The following HMCN1 variants were observed in gnomAD, a reference collection of about 807,000 sequenced individuals.
HMCN1 encodes hemicentin-1.
Under a neutral mutation model 625.9 loss-of-function variants are expected in HMCN1, and 321 were observed. The observed-to-expected ratio is 0.51, with a 90% confidence interval of 0.47 to 0.56. HMCN1 has a LOEUF of 0.56. HMCN1 is among the 20% of genes least tolerant of loss of function. The pLI is 0.00. For synonymous variants in HMCN1, 2,425 were observed against 2,417.6 expected (o/e 1.00, Z -0.09); for missense variants, 6,588 against 6,887.3 (o/e 0.96, Z 1.54).
intron 50 of HMCN1, among the ~76,000 whole-genome samples, chr1:186,068,761 C>T (rs529142767): frequency 7.5e-4 from 112 of 149,254 alleles, no homozygotes; most frequent in African/African-American, 2.7e-3. Flanking sequence ...CCCAGCTACT[C>T]GGGAGGCTGA....
At chr1:186,007,790 G>A (rs58608875) in intron 30 of HMCN1, among the ~76,000 whole-genome samples, 4,185 of 152,092 alleles carry the variant, frequency 0.028, 188 homozygotes, top group African/African-American at 0.095. Flanking sequence ...CTTATTTTCC[G>A]TAACATTATC....
rs57317105 is a variant in HMCN1, at chr1:186,164,240, C to CTTTT, written c.15257-857_15257-854dup. 9.1e-5 allele frequency among the ~76,000 whole-genome samples: 12 copies of CTTTT among 131,554 alleles called. 1 individual carries two copies. Among genetic ancestry groups the CTTTT allele is most frequent in the African/African-American group, 2.5e-4 (8 of 32,634 alleles). 86.3% of individuals were successfully genotyped at this position (131,554 alleles called of 152,430 possible). On this transcript the variant is annotated intron_variant, in intron 97 of 106. Transcript: ENST00000271588. ...TTTGTTTCTGACATCTAACTTAAAT[C>CTTTT]TTTTTTTTTTTTTTTTTGAGACAGA...
chr1:185,771,944 T>C (rs2102148490), intron 1 of HMCN1, among the ~76,000 whole-genome samples: 1 of 152,272 alleles, frequency 6.6e-6, no homozygotes, highest in East Asian at 1.9e-4. Flanking sequence ...AATTTTCTCA[T>C]GGGGAGAATA....
At chr1:186,159,322 G>T (rs1442965912) in intron 97 of HMCN1, among the ~76,000 whole-genome samples, 2 of 152,322 alleles carry the variant, frequency 1.3e-5, no homozygotes, top group African/African-American at 4.8e-5. Flanking sequence ...ATTTTGGGCT[G>T]AGACAATGGG....
intron 30 of HMCN1, among the ~76,000 whole-genome samples, chr1:186,010,054 T>TCGTC (rs1653892526): frequency 6.6e-6 from 1 of 152,100 alleles, no homozygotes; most frequent in Admixed American, 6.6e-5. Flanking sequence ...TAATGCTTGC[T>TCGTC]CGTCCGTCAC....
At chr1:185,864,757 A>G (rs1189337966) in intron 3 of HMCN1, 129 bp downstream of exon 3, 1 of 806,140 alleles carries the variant, frequency 1.2e-6, no homozygotes, top group African/African-American at 1.7e-5. Flanking sequence ...TATGTTCTCC[A>G]ATATGTATAT....
intron 1 of HMCN1, among the ~76,000 whole-genome samples, chr1:185,814,746 C>T (rs1250476560): frequency 1.3e-5 from 2 of 148,862 alleles, no homozygotes; most frequent in African/African-American, 5.2e-5. Context: ...GGCTGGAGTG[C>T]AGTGGCTCGA....
intron 38 of HMCN1, among the ~76,000 whole-genome samples, chr1:186,039,374 G>A (rs1251678565): frequency 6.6e-6 from 1 of 151,952 alleles, no homozygotes; most frequent in African/African-American, 2.4e-5. Flanking sequence ...ATACTACAGT[G>A]GATGCAGTGA....
intron 1 of HMCN1, among the ~76,000 whole-genome samples, chr1:185,781,620 A>G (rs1571342548): frequency 6.6e-6 from 1 of 152,260 alleles, no homozygotes; most frequent in Non-Finnish European, 1.5e-5. Flanking sequence ...GTGGTCATTC[A>G]GGAACAGGTT....
intron 22 of HMCN1, among the ~76,000 whole-genome samples, chr1:185,992,846 A>G (rs1444369351): frequency 6.6e-6 from 1 of 152,154 alleles, no homozygotes; most frequent in East Asian, 1.9e-4. Context: ...CCTTTACTTT[A>G]ACATTGTAGA....
At position 186,056,064 on chromosome 1, in the gene HMCN1, C is replaced by A. The variant is rs545166314; in HGVS notation, c.7144+390C>A. On this transcript the variant is annotated intron_variant, in intron 45 of 106. Transcript: ENST00000271588. Reference sequence around the variant, plus strand: ...CACCATCAGTTGAGCATGAGTTATACTGAAGTCAGCTTTAATATTCTAATT... The same window carrying A: ...CACCATCAGTTGAGCATGAGTTATAATGAAGTCAGCTTTAATATTCTAATT... Among the ~76,000 whole-genome samples, 282 of 152,122 alleles carry A rather than the reference C, an allele frequency of 1.9e-3. 2 individuals are homozygous for A. Among genetic ancestry groups the A allele is most frequent in the African/African-American group, 6.5e-3 (271 of 41,532 alleles).
Position 185,734,944 on chromosome 1 carries a change from T to C in HMCN1, c.165T>C (p.Asp55=). 6.2e-7 allele frequency: 1 copy of C among 1,614,088 alleles called. No homozygotes were observed. The highest frequency in any genetic ancestry group is 2.2e-5 in the East Asian group (1 of 44,872). The part of the protein sequence containing the change: ...VFDVTGSMYD[D]LVQVIEGASK... ...ATGTGACTGGTTCTATGTATGATGA[T>C]TTAGTTCAGGTGATTGAAGGGGCTT... The change falls in exon 1 of 107, where the codon GAT becomes GAC. Residue 55 remains aspartate, a synonymous_variant. Coordinates refer to ENST00000271588, the MANE Select transcript of HMCN1 (RefSeq NM_031935.3).
At chr1:185,944,834 T>C (rs1298179395) in intron 11 of HMCN1, among the ~76,000 whole-genome samples, 19 of 152,246 alleles carry the variant, frequency 1.2e-4, no homozygotes, top group Admixed American at 1.2e-3. Context: ...ATGCAGTGCA[T>C]GTCTGTGGGA....
chr1:186,053,045 C>T lies in HMCN1; in HGVS notation c.6671C>T (p.Pro2224Leu). 2 of 1,610,218 alleles carry T rather than the reference C, an allele frequency of 1.2e-6. No homozygotes were observed. Among genetic ancestry groups the T allele is most frequent in the East Asian group, 2.2e-5 (1 of 44,678 alleles). The stretch of plus-strand genomic sequence containing the variant: ...CTGTTGTGTGAATCAAGTGGTATTC[C>T]ACCCCCAAATCTCATCTGGAAGAAG... Reference protein sequence around the residue: ...ISLLCESSGIPPPNLIWKKKG... With the variant: ...ISLLCESSGILPPNLIWKKKG... Residue 2224 changes from proline to leucine, a missense_variant, in exon 43 of 107, where the codon CCA (proline) becomes CTA (leucine). Physicochemically the swap from Pro to Leu is moderately conservative, Grantham distance 98. This residue lies in a region of HMCN1 where 4,628 missense variants were observed against 4,853.1 expected (regional missense o/e 0.95). Coordinates refer to ENST00000271588, the MANE Select transcript of HMCN1 (RefSeq NM_031935.3).
chr1:186,050,779 C>T (rs917590505), intron 42 of HMCN1, among the ~76,000 whole-genome samples: 4 of 152,038 alleles, frequency 2.6e-5, no homozygotes, highest in Admixed American at 2.6e-4. Flanking sequence ...AAAATACTTA[C>T]ATTATGCTTC....
intron 4 of HMCN1, among the ~76,000 whole-genome samples, chr1:185,880,358 A>G (rs1483412435): frequency 6.6e-6 from 1 of 152,200 alleles, no homozygotes; most frequent in African/African-American, 2.4e-5. Context: ...GGGATGGCCA[A>G]ATTTAATGTA....
chr1:185,898,398 G>T lies in HMCN1; in HGVS notation c.622-10939G>T, dbSNP rs546012521. Among the ~76,000 whole-genome samples the T allele has an allele frequency of 2.0e-4, 30 of 152,276 alleles. 1 individual carries two copies. The South Asian group carries it at 6.2e-3, about 32-fold the overall frequency. Reference sequence around the variant, plus strand: ...TCAGGAGATCAGAACCCTGTCTATTGTCTGAAAAAGAATGAAGTCTTGGAA... The same window carrying T: ...TCAGGAGATCAGAACCCTGTCTATTTTCTGAAAAAGAATGAAGTCTTGGAA... On this transcript the variant is annotated intron_variant, in intron 4 of 106. Transcript: ENST00000271588.
chr1:185,984,940 TA>T (rs1003996399), intron 19 of HMCN1, among the ~76,000 whole-genome samples: 1 of 151,734 alleles, frequency 6.6e-6, no homozygotes, highest in Non-Finnish European at 1.5e-5. Flanking sequence ...ATTGCTTTTT[TA>T]AAAAAAACAA....
intron 17 of HMCN1, among the ~76,000 whole-genome samples, chr1:185,981,833 A>G (rs1007402477): frequency 2.0e-5 from 3 of 152,148 alleles, no homozygotes; most frequent in Non-Finnish European, 4.4e-5. Context: ...TGCTTGAGAT[A>G]TTACAACAGC....
Sources: allele counts gnomAD v4.1 joint callset (sites outside exome capture counted in the v4.1 genomes callset), GRCh38; gene constraint gnomAD v4.1.1; regional missense constraint gnomAD v4.1.1; transcripts MANE v1.5; gene names NCBI Gene and HGNC (gene_info 2026-07-23, HGNC 2026-07-21).